The following FBXO33 variants were observed in gnomAD, a reference collection of about 807,000 sequenced individuals.
FBXO33 encodes F-box protein 33, also known as F-box only protein 33.
FBXO33 carries 22 observed loss-of-function variants against 46.3 expected under a neutral mutation model. That is an observed-to-expected ratio of 0.48 (90% confidence interval 0.34 to 0.68). FBXO33 has a LOEUF of 0.68. Among genes scored for constraint, FBXO33 ranks in the 30% least tolerant of loss-of-function variants. The pLI, the probability that FBXO33 is intolerant of heterozygous loss-of-function variation, is 0.01. For missense variants in FBXO33, 692 were observed against 708.8 expected (o/e 0.98, Z 0.27); for synonymous variants, 337 against 291.3 (o/e 1.16, Z -1.60).
intron 1 of FBXO33, among the ~76,000 whole-genome samples, chr14:39,410,970 C>T (rs2075419382): frequency 7.1e-6 from 1 of 139,878 alleles, no homozygotes; most frequent in African/African-American, 2.6e-5. Flanking sequence ...GTCCTTACTA[C>T]CGCTTTTTCT....
intron 1 of FBXO33, among the ~76,000 whole-genome samples, chr14:39,424,554 G>A (rs942941650): frequency 6.6e-6 from 1 of 152,196 alleles, no homozygotes; most frequent in African/African-American, 2.4e-5. Flanking sequence ...TTAGGGGGCA[G>A]ACCAGTTTTC....
chr14:39,405,680 G>T (rs906574272), intron 1 of FBXO33, among the ~76,000 whole-genome samples: 1 of 151,502 alleles, frequency 6.6e-6, no homozygotes, highest in Non-Finnish European at 1.5e-5. Flanking sequence ...TCACTAAAAA[G>T]GGCAAACCAA....
Position 39,431,610 on chromosome 14 carries a change from A to G in FBXO33, c.553T>C (p.Tyr185His). 1 of 1,613,530 alleles carries G rather than the reference A, an allele frequency of 6.2e-7. No homozygotes were observed. The highest frequency in any genetic ancestry group is 1.6e-4 in the Middle Eastern group (1 of 6,062). The change falls in exon 1 of 4, where the codon TAC becomes CAC. Residue 185 changes from tyrosine (Y) to histidine (H), a missense_variant. Tyr to His is a moderately conservative substitution (Grantham distance 83). Coordinates refer to ENST00000298097, the MANE Select transcript of FBXO33 (RefSeq NM_203301.4). ...AGCACGCAAAGCACCAGCTCCAAGT[A>G]GGTGCGCAGCACTTCCAGCCAACGA... ...SARWLEVLRT[Y>H]LELVLCVLVS...
intron 1 of FBXO33, among the ~76,000 whole-genome samples, chr14:39,410,824 A>T (rs1366162625): frequency 6.6e-6 from 1 of 152,160 alleles, no homozygotes; most frequent in Non-Finnish European, 1.5e-5. Context: ...GAAGGCTCAC[A>T]GGAGTCTCTT....
Position 39,410,832 on chromosome 14 carries a change from CTT to C in FBXO33, c.600-8323_600-8322del, listed in dbSNP as rs1295835379. Among the ~76,000 whole-genome samples, 41 of 152,224 alleles carry C rather than the reference CTT, an allele frequency of 2.7e-4. No homozygotes were observed. The East Asian group carries it at 7.7e-3, about 29-fold the overall frequency. On this transcript the variant is annotated intron_variant, in intron 1 of 3. Coordinates refer to ENST00000298097, the MANE Select transcript of FBXO33 (RefSeq NM_203301.4). ...TGGAAATGAAGGCTCACAGGAGTCTCTTATAATCTTATTGTATTTCTGTGGCA... is the reference window on the plus strand; with the variant it reads ...TGGAAATGAAGGCTCACAGGAGTCTCATAATCTTATTGTATTTCTGTGGCA...
chr14:39,425,629 T>C (rs1998886), intron 1 of FBXO33, among the ~76,000 whole-genome samples: 130,749 of 152,278 alleles, frequency 0.86, 56,298 homozygotes, highest in African/African-American at 0.92. Context: ...ACATTATACT[T>C]TTTTAATAAC....
chr14:39,402,340 T>C, intron 2 of FBXO33, 61 bp downstream of exon 2: 1 of 947,484 alleles, frequency 1.1e-6, no homozygotes, highest in Non-Finnish European at 1.5e-6. Flanking sequence ...TATCTCATAA[T>C]TTCTTAGGAA....
At chr14:39,431,539 G>A (rs372738135) in intron 1 of FBXO33, 25 bp downstream of exon 1, 2 of 1,607,600 alleles carry the variant, frequency 1.2e-6, no homozygotes, top group Non-Finnish European at 1.7e-6. Context: ...GTTACCGGGC[G>A]GGGCGGGGCT....
At chr14:39,427,202 C>T (rs2075520315) in intron 1 of FBXO33, among the ~76,000 whole-genome samples, 1 of 152,092 alleles carries the variant, frequency 6.6e-6, no homozygotes, top group Non-Finnish European at 1.5e-5. Flanking sequence ...AGTTTTACAC[C>T]CTATTCCATC....
rs998229664 is a variant in FBXO33 at position 39,399,256 on chromosome 14, TCAGA to T, written c.*256_*259del. 1.9e-4 allele frequency: 53 copies of T among 274,850 alleles called. No homozygotes were observed. Among genetic ancestry groups the T allele is most frequent in the African/African-American group, 6.8e-4 (31 of 45,728 alleles). The allele number at this position is 274,850 out of a possible 1,614,324, so 17.0% of individuals were successfully genotyped here. ...TGAAAAATAAAGTTAGCCAGCAACC[TCAGA>T]CAATCTTCGGCTGTATATCCTTAAG... On this transcript the variant is annotated 3_prime_UTR_variant, in exon 4 of 4. Coordinates refer to ENST00000298097, the MANE Select transcript of FBXO33 (RefSeq NM_203301.4).
rs1272893787 is a variant in FBXO33, at chr14:39,398,849, TTA to T, written c.*665_*666del. ...TGTGTAATGTAATTGATGAATAAAA[TTA>T]TGTCAGATATAGTTAAAAAATCCAA... On this transcript the variant is annotated 3_prime_UTR_variant, in exon 4 of 4. Transcript: ENST00000298097. 1 of 152,306 alleles carries T rather than the reference TTA, an allele frequency of 6.6e-6. No individual in the cohort carries two copies. The highest frequency in any genetic ancestry group is 6.5e-5 in the Admixed American group (1 of 15,288). 9.4% of individuals were successfully genotyped at this position (152,306 alleles called of 1,614,324 possible). A position where few individuals can be genotyped will look rare whatever the true frequency, so the allele number is the denominator to read the frequency against.
chr14:39,416,799 AT>A (rs759746756), intron 1 of FBXO33, among the ~76,000 whole-genome samples: 22 of 152,134 alleles, frequency 1.4e-4, no homozygotes, highest in Non-Finnish European at 4.4e-5. Context: ...AAGAGGATTA[AT>A]TTAAATTCTT....
At chr14:39,401,964 T>C (rs7157316) in intron 2 of FBXO33, 103 bp from the exon 3 acceptor site, 60,959 of 893,566 alleles carry the variant, frequency 0.068, 2,632 homozygotes, top group South Asian at 0.12. Flanking sequence ...AATTTTGAGA[T>C]CTATTTTTCC....
rs1046471001 is a variant in FBXO33, at chr14:39,432,046, C to T, written c.117G>A (p.Arg39=). 4 of 1,291,126 alleles carry T rather than the reference C, an allele frequency of 3.1e-6. No individual in the cohort carries two copies. The highest frequency in any genetic ancestry group is 4.9e-5 in the South Asian group (2 of 40,886). 80.0% of individuals were successfully genotyped at this position (1,291,126 alleles called of 1,614,324 possible). A position where few individuals can be genotyped will look rare whatever the true frequency, so the allele number is the denominator to read the frequency against. ...RLRLQQLRRL[R]GLLRVLRGRP... Reference sequence around the variant, plus strand: ...GCCCCCGCAGTACCCGGAGCAGCCCCCGCAGCCGTCGCAGCTGCTGCAGCC... The same window carrying T: ...GCCCCCGCAGTACCCGGAGCAGCCCTCGCAGCCGTCGCAGCTGCTGCAGCC... Residue 39 remains arginine, a synonymous_variant, in exon 1 of 4, where the codon CGG becomes CGA. Coordinates refer to ENST00000298097, the MANE Select transcript of FBXO33 (RefSeq NM_203301.4).
rs1046769414 is a variant in FBXO33, at chr14:39,398,851, A to G, written c.*665T>C. ...TGTAATGTAATTGATGAATAAAATT[A>G]TGTCAGATATAGTTAAAAAATCCAA... On this transcript the variant is annotated 3_prime_UTR_variant, in exon 4 of 4. Transcript: ENST00000298097. 3.9e-5 allele frequency: 6 copies of G among 152,310 alleles called. No individual in the cohort carries two copies. The highest frequency in any genetic ancestry group is 1.5e-5 in the Non-Finnish European group (1 of 68,048). 9.4% of individuals were successfully genotyped at this position (152,310 alleles called of 1,614,324 possible).
At chr14:39,421,846 A>G in intron 1 of FBXO33, among the ~76,000 whole-genome samples, 1 of 152,058 alleles carries the variant, frequency 6.6e-6, no homozygotes, top group African/African-American at 2.4e-5. Context: ...GAATAACCAA[A>G]AAGGGGAAAA....
chr14:39,431,542 G>T lies in FBXO33; in HGVS notation c.599+22C>A, dbSNP rs778511819. On this transcript the variant is annotated intron_variant, in intron 1 of 3. Coordinates refer to ENST00000298097, the MANE Select transcript of FBXO33 (RefSeq NM_203301.4). ...GAGCGACCCCCCGTTACCGGGCGGG[G>T]CGGGGCTCAGGGCAAGCCTACCTGT... is the stretch of plus-strand genomic sequence containing the variant. 10 of 1,608,096 alleles carry T rather than the reference G, an allele frequency of 6.2e-6. No homozygotes were observed. In the South Asian group the frequency reaches 9.9e-5, roughly 16 times the overall value.
rs751951772 is a variant in FBXO33 at position 39,399,608 on chromosome 14, G to T, written c.1576C>A (p.His526Asn). ...AGTGATTCGATGTCCATGACTGCAT[G>T]CCAAGGTTGACCCAGGCCCAGGGAT... The part of the protein sequence containing the change: ...QVSLGLGQPW[H>N]AVMDIESLSV... Residue 526 changes from histidine (H) to asparagine (N), a missense_variant, in exon 4 of 4, where the codon CAT becomes AAT. His to Asn is a moderately conservative substitution (Grantham distance 68, BLOSUM62 1). Around this residue, in one of 3 missense-constraint regions of FBXO33, gnomAD observed 94 missense variants for 91.9 expected, o/e 1.02. Transcript: ENST00000298097. 1.9e-6 allele frequency: 3 copies of T among 1,613,734 alleles called. No homozygotes were observed. The highest frequency in any genetic ancestry group is 2.5e-6 in the Non-Finnish European group (3 of 1,179,900).
chr14:39,425,085 G>A (rs185748602), intron 1 of FBXO33, among the ~76,000 whole-genome samples: 2 of 152,146 alleles, frequency 1.3e-5, no homozygotes, highest in African/African-American at 4.8e-5. Context: ...CCACTGAAAT[G>A]AGATATCTTG....
Sources: gnomAD v4.1 joint callset for allele counts (sites outside exome capture counted in the v4.1 genomes callset) on GRCh38, gnomAD v4.1.1 for gene constraint, gnomAD v4.1.1 regional missense constraint, MANE v1.5 for transcripts, NCBI Gene and HGNC (gene_info 2026-07-23, HGNC 2026-07-21) for gene names.